Variants in NCKAP5 observed in about 807,000 individuals in gnomAD.
The protein encoded by NCKAP5 is nck-associated protein 5.
NCKAP5 carries 92 observed loss-of-function variants against 167.0 expected under a neutral mutation model. That is an observed-to-expected ratio of 0.55 (90% CI 0.47 to 0.66). NCKAP5 has a LOEUF of 0.66. Ranked by LOEUF, NCKAP5 falls within the 30% of genes least tolerant of loss-of-function variation. The pLI, the probability that NCKAP5 is intolerant of heterozygous loss-of-function variation, is 0.00. For missense variants in NCKAP5, 2,378 were observed against 2,315.0 expected (o/e 1.03, Z -0.56); for synonymous variants, 891 against 877.4 (o/e 1.02, Z -0.27).
intron 7 of NCKAP5, among the ~76,000 whole-genome samples, chr2:132,972,669 G>A (rs1559006348): frequency 6.6e-6 from 1 of 152,088 alleles, no homozygotes; most frequent in Non-Finnish European, 1.5e-5. Flanking sequence ...AGATCATCTT[G>A]GCCAACATGG....
At chr2:132,974,857 A>T (rs893410) in intron 7 of NCKAP5, among the ~76,000 whole-genome samples, 107,500 of 152,140 alleles carry the variant, frequency 0.71, 38,298 homozygotes, top group Middle Eastern at 0.8. Flanking sequence ...TAATGATGAC[A>T]CAATTAGTTC....
chr2:133,554,389 T>G (rs1035678594), intron 2 of NCKAP5: 2 of 152,182 alleles, frequency 1.3e-5, no homozygotes, highest in African/African-American at 4.8e-5. Flanking sequence ...AATTCTGCTT[T>G]GCCACAAAGT....
At chr2:133,204,214 T>C (rs2085840873) in intron 5 of NCKAP5, among the ~76,000 whole-genome samples, 1 of 152,210 alleles carries the variant, frequency 6.6e-6, no homozygotes, top group Non-Finnish European at 1.5e-5. Flanking sequence ...AATTTCAGCA[T>C]TTTTATTTAA....
In NCKAP5 at chr2:132,860,573, C is replaced by T. The variant is rs1322237242; in HGVS notation, c.726G>A (p.Val242=). The T allele has an allele frequency of 2.5e-6, 4 of 1,583,520 alleles. No individual in the cohort carries two copies. The highest frequency in any genetic ancestry group is 3.4e-6 in the Non-Finnish European group (4 of 1,162,782). Residue 242 remains valine, a synonymous_variant, in exon 11 of 20, where the codon GTG becomes GTA. Coordinates refer to ENST00000409261, the MANE Select transcript of NCKAP5 (RefSeq NM_207363.3). The stretch of plus-strand genomic sequence containing the variant: ...TTCGATTCTGCTGTTCCAAATCAAA[C>T]ACTCTTGTTTTCAACTTCACACATT... ...REECVKLKTR[V]FDLEQQNRTL...
chr2:133,608,082 A>C, the NCKAP5 span, among the ~76,000 whole-genome samples: 3 of 152,212 alleles, frequency 2.0e-5, no homozygotes, highest in South Asian at 2.1e-4. Context: ...TCTGATTTTA[A>C]TATTTCATCT....
chr2:132,784,686 G>A lies in NCKAP5; in HGVS notation c.2125C>T (p.His709Tyr). Residue 709 changes from histidine (H) to tyrosine (Y), a missense_variant, in exon 14 of 20, where the codon CAT (histidine) becomes TAT (tyrosine). His to Tyr is a moderately conservative substitution (Grantham distance 83). Coordinates refer to ENST00000409261, the MANE Select transcript of NCKAP5 (RefSeq NM_207363.3). ...NSTPAGPKAE[H>Y]TELLPQGIAC... ...ATTCCCTGAGGTAAAAGCTCAGTAT[G>A]TTCTGCCTTGGGTCCAGCAGGAGTT... The A allele has an allele frequency of 6.2e-7, 1 of 1,614,024 alleles. No individual in the cohort carries two copies. Among genetic ancestry groups the A allele is most frequent in the Non-Finnish European group, 8.5e-7 (1 of 1,179,896 alleles).
At chr2:133,088,719 A>G (rs2081076538) in intron 6 of NCKAP5, among the ~76,000 whole-genome samples, 2 of 152,208 alleles carry the variant, frequency 1.3e-5, no homozygotes, top group Admixed American at 1.3e-4. Context: ...AAAAATCAAT[A>G]TGCTGCCCTA....
At chr2:132,795,831 AAAAAAAAC>A (rs1196254504) in intron 12 of NCKAP5, among the ~76,000 whole-genome samples, 1 of 149,864 alleles carries the variant, frequency 6.7e-6, no homozygotes, top group Non-Finnish European at 1.5e-5. Context: ...AAAAAAAAAA[AAAAAAAAC>A]AAAAAAAACA....
At chr2:133,178,845 A>AC in intron 5 of NCKAP5, among the ~76,000 whole-genome samples, 1 of 150,920 alleles carries the variant, frequency 6.6e-6, no homozygotes, top group Non-Finnish European at 1.5e-5. Flanking sequence ...AAAAAAAAAA[A>AC]AAAAAAAACC....
intron 8 of NCKAP5, among the ~76,000 whole-genome samples, chr2:132,926,553 T>C (rs767483968): frequency 5.9e-5 from 9 of 152,140 alleles, no homozygotes; most frequent in Non-Finnish European, 1.0e-4. Context: ...TTGGTTTTTG[T>C]CTTTTTAATA....
intron 19 of NCKAP5, among the ~76,000 whole-genome samples, chr2:132,687,563 T>C (rs1220124482): frequency 6.6e-6 from 1 of 152,146 alleles, no homozygotes; most frequent in Non-Finnish European, 1.5e-5. Context: ...GTAAAGAAGT[T>C]ACTGGCAAAA....
intron 6 of NCKAP5, among the ~76,000 whole-genome samples, chr2:132,997,107 G>T (rs1037202530): frequency 1.3e-5 from 2 of 152,216 alleles, no homozygotes; most frequent in African/African-American, 4.8e-5. Context: ...TGAATCCGCT[G>T]ATGTAGGAAG....
At chr2:133,152,184 CT>C (rs2083405872) in intron 5 of NCKAP5, among the ~76,000 whole-genome samples, 1 of 152,134 alleles carries the variant, frequency 6.6e-6, no homozygotes, top group African/African-American at 2.4e-5. Flanking sequence ...GTCTTTTGAT[CT>C]CTCCCTATAT....
chr2:132,912,474 G>T (rs1329743295), intron 8 of NCKAP5, among the ~76,000 whole-genome samples: 1 of 152,142 alleles, frequency 6.6e-6, no homozygotes, highest in Non-Finnish European at 1.5e-5. Flanking sequence ...TGACATCATA[G>T]TTGCTCATTC....
At chr2:133,606,174 T>TATG in the NCKAP5 span, among the ~76,000 whole-genome samples, 1 of 152,264 alleles carries the variant, frequency 6.6e-6, no homozygotes, top group African/African-American at 2.4e-5. Context: ...TTAAGAAAAC[T>TATG]ATGCAACATC....
At chr2:133,507,977 T>G (rs1423358044) in intron 3 of NCKAP5, among the ~76,000 whole-genome samples, 1 of 152,136 alleles carries the variant, frequency 6.6e-6, no homozygotes, top group African/African-American at 2.4e-5. Context: ...TATATACAGT[T>G]TGTACAGCAT....
At chr2:132,743,411 C>T (rs78727829) in intron 16 of NCKAP5, among the ~76,000 whole-genome samples, 2 of 151,446 alleles carry the variant, frequency 1.3e-5, no homozygotes, top group African/African-American at 4.9e-5. Flanking sequence ...AAATATATAA[C>T]AGCACAAAGG....
intron 6 of NCKAP5, among the ~76,000 whole-genome samples, chr2:133,070,120 T>C (rs891705162): frequency 4.6e-5 from 7 of 152,122 alleles, no homozygotes; most frequent in African/African-American, 1.7e-4. Context: ...AGTTTGTCAA[T>C]GAGTAGGAAA....
Position 132,782,643 on chromosome 2 carries a change from C to G in NCKAP5, c.4168G>C (p.Ala1390Pro). Residue 1390 changes from alanine (A) to proline (P), a missense_variant, in exon 14 of 20, where the codon GCC becomes CCC. Ala to Pro is a conservative substitution (Grantham distance 27). Coordinates refer to ENST00000409261, the MANE Select transcript of NCKAP5 (RefSeq NM_207363.3). ...CTGGGGCACTCTCCCTGGGTGAAGGCCTGCTGGTCTTCCTTTCCAGGTGGG... is the reference window on the plus strand; with the variant it reads ...CTGGGGCACTCTCCCTGGGTGAAGGGCTGCTGGTCTTCCTTTCCAGGTGGG... ...LIPPGKEDQQ[A>P]FTQGECPSAN... The G allele has an allele frequency of 6.2e-7, 1 of 1,608,564 alleles. No individual in the cohort carries two copies. The highest frequency in any genetic ancestry group is 8.5e-7 in the Non-Finnish European group (1 of 1,177,356).
Sources: allele counts gnomAD v4.1 joint callset (sites outside exome capture counted in the v4.1 genomes callset), GRCh38; gene constraint gnomAD v4.1.1; transcripts MANE v1.5; gene names NCBI Gene and HGNC (gene_info 2026-07-23, HGNC 2026-07-21).